ZNF543: variants seen among roughly 807,000 people sequenced by gnomAD.
ZNF543 encodes the protein zinc finger protein 543.
In ZNF543, 10 loss-of-function variants were observed where a neutral mutation model predicts 13.4. That is an observed-to-expected ratio of 0.75 (90% CI 0.46 to 1.26). The LOEUF (loss-of-function observed/expected upper bound fraction) is 1.26. Ranked by LOEUF, ZNF543 falls within the 50% of genes most tolerant of loss-of-function variation. The pLI is 0.00. For synonymous variants in ZNF543, 272 were observed against 264.7 expected (o/e 1.03, Z -0.27); for missense variants, 768 against 741.2 (o/e 1.04, Z -0.42).
rs2088122105 is a variant in ZNF543 at position 57,326,578 on chromosome 19, A to G, written c.146-55A>G. 6 of 1,364,410 alleles carry G rather than the reference A, an allele frequency of 4.4e-6. No homozygotes were observed. The Admixed American group carries it at 6.9e-5, about 16-fold the overall frequency. The allele number at this position is 1,364,410 out of a possible 1,614,324, so 84.5% of individuals were successfully genotyped here. The stretch of plus-strand genomic sequence containing the variant: ...TCCTGCAGTCCCAGATCAGATTGAC[A>G]GGTTTCTTTCTTCTAACCTAACTCC... On this transcript the variant is annotated intron_variant, in intron 2 of 3. Coordinates refer to ENST00000321545, the MANE Select transcript of ZNF543 (RefSeq NM_213598.4).
chr19:57,326,822 G>A (rs1410238666), intron 3 of ZNF543, 94 bp downstream of exon 3: 20 of 1,024,558 alleles, frequency 2.0e-5, no homozygotes, highest in Non-Finnish European at 2.9e-5. Flanking sequence ...TCTTCTTATT[G>A]TGGTCTCTCT....
At chr19:57,323,955 C>T in intron 2 of ZNF543, 147 bp downstream of exon 2, 2 of 972,298 alleles carry the variant, frequency 2.1e-6, no homozygotes, top group South Asian at 1.6e-5. Flanking sequence ...CTTGGGAGAC[C>T]AGGGTCTGGT....
intron 1 of ZNF543, among the ~76,000 whole-genome samples, chr19:57,321,103 C>G (rs1413633745): frequency 1.3e-5 from 2 of 152,180 alleles, no homozygotes. Context: ...GATCTCATCA[C>G]ACTTCCCTTA....
At chr19:57,323,285 G>A (rs965607377) in intron 1 of ZNF543, among the ~76,000 whole-genome samples, 3 of 150,928 alleles carry the variant, frequency 2.0e-5, no homozygotes, top group Non-Finnish European at 4.4e-5. Context: ...TCCGCCTCCC[G>A]GGTTCACGCC....
In ZNF543 at chr19:57,329,191, AC is replaced by A. The variant is rs780610003; in HGVS notation, c.1730del (p.Thr577IlefsTer10). On this transcript the variant is annotated frameshift_variant, in exon 4 of 4. Transcript: ENST00000321545. LOFTEE classifies it low-confidence loss of function (END_TRUNC). Reference protein sequence around the residue: ...DVGRPFMTAQTSVNIQELLLG... With the variant: ...DVGRPFMTAQXSVNIQELLLG... ...GGGAAGACCTTTTATGACTGCACAG[AC>A]TTCAGTCAACATCCAGGAACTTTTA... The A allele has an allele frequency of 9.3e-6, 15 of 1,613,974 alleles. No individual in the cohort carries two copies. The East Asian group carries it at 3.3e-4, about 36-fold the overall frequency.
intron 1 of ZNF543, 73 bp downstream of exon 1, chr19:57,320,944 GACAGCC>G: frequency 6.3e-7 from 1 of 1,594,928 alleles, no homozygotes; most frequent in Non-Finnish European, 8.6e-7. Flanking sequence ...CAGAAGCCAA[GACAGCC>G]ACAGGATGTT....
chr19:57,327,078 G>A (rs973471093), intron 3 of ZNF543, among the ~76,000 whole-genome samples: 1 of 151,922 alleles, frequency 6.6e-6, no homozygotes, highest in African/African-American at 2.4e-5. Flanking sequence ...TGTTGCTGAG[G>A]CTGGTCTCAA....
chr19:57,327,899 T>C lies in ZNF543; in HGVS notation c.437T>C (p.Leu146Pro), dbSNP rs1307230097. The change falls in exon 4 of 4, where the codon CTG becomes CCG. Residue 146 changes from leucine (L) to proline (P), a missense_variant. By Grantham distance (98) the Leu-to-Pro change is moderately conservative (BLOSUM62 -3). Around this residue, in one of 3 missense-constraint regions of ZNF543, gnomAD observed 677 missense variants for 631.4 expected, o/e 1.07. Coordinates refer to ENST00000321545, the MANE Select transcript of ZNF543 (RefSeq NM_213598.4). ...GGGATAGGCCCCCAGCGGGGGAAGC[T>C]GCTGGAGAAAATGAGTTCTGAACGT... ...KIGIGPQRGK[L>P]LEKMSSERDG... 6.2e-7 allele frequency: 1 copy of C among 1,614,040 alleles called. No individual in the cohort carries two copies. The highest frequency in any genetic ancestry group is 8.5e-7 in the Non-Finnish European group (1 of 1,180,046).
intron 2 of ZNF543, among the ~76,000 whole-genome samples, chr19:57,326,361 T>C (rs1268565523): frequency 6.6e-6 from 1 of 152,168 alleles, no homozygotes; most frequent in African/African-American, 2.4e-5. Context: ...AGATGGGGTT[T>C]CACCATGTTG....
chr19:57,323,543 C>T, intron 1 of ZNF543, 139 bp from the exon 2 acceptor site: 1 of 1,132,810 alleles, frequency 8.8e-7, no homozygotes, highest in Non-Finnish European at 1.3e-6. Context: ...TCATGCCTGG[C>T]ACAGATCATG....
intron 1 of ZNF543, among the ~76,000 whole-genome samples, chr19:57,322,901 G>A (rs1316242070): frequency 6.6e-6 from 1 of 152,108 alleles, no homozygotes; most frequent in Admixed American, 6.5e-5. Flanking sequence ...GTTGATTTCA[G>A]GAATTTGGTT....
Position 57,326,678 on chromosome 19 carries a change from G to C in ZNF543, c.191G>C (p.Arg64Thr). The C allele has an allele frequency of 6.2e-7, 1 of 1,614,096 alleles. No individual in the cohort carries two copies. The highest frequency in any genetic ancestry group is 8.5e-7 in the Non-Finnish European group (1 of 1,179,998). The change falls in exon 3 of 4, where the codon AGA (arginine) becomes ACA (threonine). Residue 64 changes from arginine (R) to threonine (T), a missense_variant. Arg to Thr is a moderately conservative substitution (Grantham distance 71, BLOSUM62 -1). Around this residue, in one of 3 missense-constraint regions of ZNF543, gnomAD observed 77 missense variants for 75.5 expected, o/e 1.02. Coordinates refer to ENST00000321545, the MANE Select transcript of ZNF543 (RefSeq NM_213598.4). ...KPELIYQLDH[R>T]QELWMATKDL... ...GAGCTGATCTACCAGTTGGATCACAGACAGGAGCTATGGATGGCTACAAAA... is the reference window on the plus strand; with the variant it reads ...GAGCTGATCTACCAGTTGGATCACACACAGGAGCTATGGATGGCTACAAAA...
chr19:57,324,557 A>G (rs1029723567), intron 2 of ZNF543, among the ~76,000 whole-genome samples: 6 of 152,160 alleles, frequency 3.9e-5, no homozygotes, highest in Non-Finnish European at 8.8e-5. Flanking sequence ...AGTTTTTGGA[A>G]CAACTTTGTA....
chr19:57,320,525 T>C lies in ZNF543; in HGVS notation c.-329T>C. The C allele has an allele frequency of 2.9e-6, 1 of 341,670 alleles. No individual in the cohort carries two copies. The highest frequency in any genetic ancestry group is 5.5e-6 in the Non-Finnish European group (1 of 182,420). The allele number at this position is 341,670 out of a possible 1,614,324, so 21.2% of individuals were successfully genotyped here. Reference sequence around the variant, plus strand: ...ATTGGCCCTGGAACAGTGTGGGGCCTGGACCGCTGGGTAGGCGCGTCCAGC... The same window carrying C: ...ATTGGCCCTGGAACAGTGTGGGGCCCGGACCGCTGGGTAGGCGCGTCCAGC... On this transcript the variant is annotated 5_prime_UTR_variant, in exon 1 of 4. Coordinates refer to ENST00000321545, the MANE Select transcript of ZNF543 (RefSeq NM_213598.4).
At position 57,320,844 on chromosome 19, in the gene ZNF543, G is replaced by C; in HGVS notation, c.-10G>C. ...ATTCCCGGGCCCCGCTAGGGCTGCA[G>C]GGTCTCAGGATGGCAGCCTCGGCGC... is the stretch of plus-strand genomic sequence containing the variant. On this transcript the variant is annotated 5_prime_UTR_variant, in exon 1 of 4. Coordinates refer to ENST00000321545, the MANE Select transcript of ZNF543 (RefSeq NM_213598.4). 1 of 1,613,920 alleles carries C rather than the reference G, an allele frequency of 6.2e-7. No homozygotes were observed. The highest frequency in any genetic ancestry group is 8.5e-7 in the Non-Finnish European group (1 of 1,179,952).
At chr19:57,326,227 G>A (rs2088119674) in intron 2 of ZNF543, among the ~76,000 whole-genome samples, 1 of 152,146 alleles carries the variant, frequency 6.6e-6, no homozygotes. Context: ...TTGTCGCCCA[G>A]GCTGGAGTGC....
At position 57,327,904 on chromosome 19, in the gene ZNF543, G is replaced by C. The variant is rs2088132991; in HGVS notation, c.442G>C (p.Glu148Gln). The change falls in exon 4 of 4, where the codon GAG becomes CAG. Residue 148 changes from glutamate (E) to glutamine (Q), a missense_variant. Physicochemically the swap from Glu to Gln is conservative, Grantham distance 29. Transcript: ENST00000321545. ...GIGPQRGKLL[E>Q]KMSSERDGLG... Reference sequence around the variant, plus strand: ...AGGCCCCCAGCGGGGGAAGCTGCTGGAGAAAATGAGTTCTGAACGTGATGG... The same window carrying C: ...AGGCCCCCAGCGGGGGAAGCTGCTGCAGAAAATGAGTTCTGAACGTGATGG... 1 of 1,614,072 alleles carries C rather than the reference G, an allele frequency of 6.2e-7. No individual in the cohort carries two copies. Among genetic ancestry groups the C allele is most frequent in the East Asian group, 2.2e-5 (1 of 44,872 alleles).
chr19:57,326,624 C>A lies in ZNF543; in HGVS notation c.146-9C>A. 6.2e-7 allele frequency: 1 copy of A among 1,610,344 alleles called. No individual in the cohort carries two copies. Among genetic ancestry groups the A allele is most frequent in the Non-Finnish European group, 8.5e-7 (1 of 1,176,736 alleles). On this transcript the variant is annotated splice_polypyrimidine_tract_variant and intron_variant, in intron 2 of 3. Coordinates refer to ENST00000321545, the MANE Select transcript of ZNF543 (RefSeq NM_213598.4). Reference sequence around the variant, plus strand: ...ACTCCCTGTGTCCTCTTTTGTTCTCCATGCACAGGCTGTCCTTTGTTCAAA... The same window carrying A: ...ACTCCCTGTGTCCTCTTTTGTTCTCAATGCACAGGCTGTCCTTTGTTCAAA...
chr19:57,325,308 T>C (rs1160016811), intron 2 of ZNF543, among the ~76,000 whole-genome samples: 1 of 152,206 alleles, frequency 6.6e-6, no homozygotes, highest in Non-Finnish European at 1.5e-5. Context: ...GAACATTTGC[T>C]TAGAGATGAC....
Sources: allele counts gnomAD v4.1 joint callset (sites outside exome capture counted in the v4.1 genomes callset), GRCh38; gene constraint gnomAD v4.1.1; regional missense constraint gnomAD v4.1.1; transcripts MANE v1.5; gene names NCBI Gene and HGNC (gene_info 2026-07-23, HGNC 2026-07-21).